MORF4L2: variants seen among roughly 807,000 people sequenced by gnomAD.
MORF4L2 encodes mortality factor 4 like 2, also known as mortality factor 4-like protein 2.
In MORF4L2, 1 loss-of-function variant was observed where a neutral mutation model predicts 12.0. The observed-to-expected ratio is 0.08, with a 90% CI of 0.03 to 0.40. The LOEUF is 0.40. Among genes scored for constraint, MORF4L2 ranks in the 10% least tolerant of loss-of-function variants. MORF4L2 has a pLI of 0.98. For synonymous variants in MORF4L2, 69 were observed against 81.6 expected, an observed-to-expected ratio of 0.85 and a Z score of 0.83; for missense variants, 123 against 214.0, an observed-to-expected ratio of 0.57 and a Z score of 2.65.
intron 2 of MORF4L2, among the ~76,000 whole-genome samples, chrX:103,678,998 G>A (rs2073912846): frequency 9.0e-6 from 1 of 111,727 alleles, no homozygotes; most frequent in Admixed American, 9.6e-5. Flanking sequence ...GATGTTCAAT[G>A]TAGTGGTGTT....
At chrX:103,683,641 G>C (rs992924080) in intron 2 of MORF4L2, among the ~76,000 whole-genome samples, 1 of 111,990 alleles carries the variant, frequency 8.9e-6, no homozygotes, top group Admixed American at 9.4e-5. Context: ...AACTCACACT[G>C]ACTTTCTGAT....
At chrX:103,687,747 C>G (rs1238303676), upstream of MORF4L2, among the ~76,000 whole-genome samples, 1 of 110,981 alleles carries the variant, frequency 9.0e-6, no homozygotes, top group Non-Finnish European at 1.9e-5. Flanking sequence ...TATCGTAAAC[C>G]ACAGCCCTCC....
At chrX:103,677,086 C>G (rs2073864751) in intron 3 of MORF4L2, 35 bp from the exon 4 acceptor site, 1 of 990,109 alleles carries the variant, frequency 1.0e-6, no homozygotes, top group Non-Finnish European at 1.3e-6. Context: ...TGGTTGTTTT[C>G]TATGGCAACC....
intron 1 of MORF4L2, among the ~76,000 whole-genome samples, chrX:103,685,920 C>T (rs896169685): frequency 9.0e-6 from 1 of 111,471 alleles, no homozygotes; most frequent in African/African-American, 3.3e-5. Context: ...AAAACATAAT[C>T]ACAATACTAC....
chrX:103,680,372 C>T (rs1478837750), intron 2 of MORF4L2, among the ~76,000 whole-genome samples: 3 of 112,387 alleles, frequency 2.7e-5, no homozygotes, highest in Non-Finnish European at 5.6e-5. Flanking sequence ...CTTCAGAAAG[C>T]ATCAAAATTT....
At chrX:103,687,044 G>A (rs963705742), upstream of MORF4L2, among the ~76,000 whole-genome samples, 20 of 108,125 alleles carry the variant, frequency 1.8e-4, no homozygotes, top group Non-Finnish European at 3.1e-4. Context: ...GAATGTTCAC[G>A]TGGCCTATTT....
At chrX:103,679,061 T>A (rs1262245428) in intron 2 of MORF4L2, among the ~76,000 whole-genome samples, 1 of 112,082 alleles carries the variant, frequency 8.9e-6, no homozygotes, top group African/African-American at 3.3e-5. Context: ...AGGAAAATGA[T>A]AACATAAATT....
At position 103,676,739 on chromosome X, in the gene MORF4L2, G is replaced by A; in HGVS notation, c.289C>T (p.Pro97Ser). Residue 97 changes from proline (P) to serine (S), a missense_variant, in exon 4 of 4, where the codon CCC becomes TCC. By Grantham distance (74) the Pro-to-Ser change is moderately conservative. Coordinates refer to ENST00000441076, the MANE Select transcript of MORF4L2 (RefSeq NM_012286.3). Reference sequence around the variant, plus strand: ...GCCCGGGCCCTTTTCTTCCGAGGGGGCTGAGGTGCTTCGCTGGTACTGCCA... The same window carrying A: ...GCCCGGGCCCTTTTCTTCCGAGGGGACTGAGGTGCTTCGCTGGTACTGCCA... ...DGGSTSEAPQ[P>S]PRKKRARADP... 1 of 1,207,355 alleles carries A rather than the reference G, an allele frequency of 8.3e-7. No homozygotes were observed. The highest frequency in any genetic ancestry group is 1.1e-6 in the Non-Finnish European group (1 of 894,503).
rs780801894 is a variant in MORF4L2 at position 103,680,023 on chromosome X, TA to T, written c.-177-1373del. Reference sequence around the variant, plus strand: ...CAACATGGTGAAACCCTGTCCCTACTAAAAACACAAAAATTAGCCAGGCTTA... The same window carrying T: ...CAACATGGTGAAACCCTGTCCCTACTAAAACACAAAAATTAGCCAGGCTTA... On this transcript the variant is annotated intron_variant, in intron 2 of 3. Transcript: ENST00000441076. 1.1e-3 allele frequency among the ~76,000 whole-genome samples: 117 copies of T among 110,964 alleles called. 2 individuals are homozygous for T. Among genetic ancestry groups the T allele is most frequent in the South Asian group, 4.2e-3 (11 of 2,640 alleles).
At chrX:103,678,005 A>G (rs1224512817) in intron 3 of MORF4L2, among the ~76,000 whole-genome samples, 2 of 111,032 alleles carry the variant, frequency 1.8e-5, no homozygotes, top group Non-Finnish European at 1.9e-5. Flanking sequence ...GGATTGGAGG[A>G]AAAGTTGTGT....
Position 103,677,036 on chromosome X carries a change from G to T in MORF4L2, c.-9C>A. The T allele has an allele frequency of 8.6e-7, 1 of 1,163,630 alleles. No homozygotes were observed. ...TGCTTTCTGGAACTCATTCAACCCT[G>T]TTTTTATTCCAACCACTGTAATATA... On this transcript the variant is annotated 5_prime_UTR_variant, in exon 4 of 4. Transcript: ENST00000441076.
At position 103,676,164 on chromosome X, in the gene MORF4L2, C is replaced by A. The variant is rs1438546725; in HGVS notation, c.864G>T (p.Leu288=). 2 of 1,193,238 alleles carry A rather than the reference C, an allele frequency of 1.7e-6. No homozygotes were observed. The highest frequency in any genetic ancestry group is 2.3e-6 in the Non-Finnish European group (2 of 887,637). The stretch of plus-strand genomic sequence containing the variant: ...ATGGTGAGCTGTCTGTAGACGCTCA[C>A]AGGGCTTTGCGGTGGTACTCAGCAG... ...VASAEYHRKA[L] The change falls in exon 4 of 4, where the codon CTG becomes CTT. Residue 288 remains leucine, a synonymous_variant. Coordinates refer to ENST00000441076, the MANE Select transcript of MORF4L2 (RefSeq NM_012286.3).
chrX:103,687,930 C>T (rs1300837977), upstream of MORF4L2: 2 of 111,513 alleles, frequency 1.8e-5, no homozygotes, highest in Non-Finnish European at 1.9e-5. Flanking sequence ...TATCTATCTA[C>T]GACAGCCTTC....
intron 1 of MORF4L2, among the ~76,000 whole-genome samples, 188 bp downstream of exon 1, chrX:103,686,440 CTAT>C (rs2074111239): frequency 1.8e-5 from 2 of 111,542 alleles, no homozygotes; most frequent in Admixed American, 9.5e-5. Context: ...GAGGTAGATA[CTAT>C]TATTATCACC....
rs762730812 is a variant in MORF4L2 at position 103,685,546 on chromosome X, T to G, written c.-267-286A>C. 5 of 111,715 alleles carry G rather than the reference T, an allele frequency of 4.5e-5. No homozygotes were observed. In the South Asian group the frequency reaches 1.9e-3, roughly 42 times the overall value. The allele number at this position is 111,715 out of a possible 1,213,427, so 9.2% of individuals were successfully genotyped here. A position where few individuals can be genotyped will look rare whatever the true frequency, so the allele number is the denominator to read the frequency against. On this transcript the variant is annotated intron_variant, in intron 1 of 3. Transcript: ENST00000441076. The stretch of plus-strand genomic sequence containing the variant: ...ATTATAAACCTACACGAATCCATCA[T>G]CCAGCTTTCAACAATTACCAACTGA...
chrX:103,678,226 G>A (rs951933455), intron 3 of MORF4L2, among the ~76,000 whole-genome samples: 8 of 110,741 alleles, frequency 7.2e-5, no homozygotes, highest in Non-Finnish European at 1.5e-4. Flanking sequence ...GAGAAGAGAG[G>A]AAGAACTTCA....
chrX:103,686,124 T>TCCC (rs5903221), intron 1 of MORF4L2, among the ~76,000 whole-genome samples: 4 of 76,847 alleles, frequency 5.2e-5, no homozygotes, highest in Non-Finnish European at 1.0e-4. Context: ...TTTCTTGCAC[T>TCCC]CCCCCCCCCC....
At position 103,676,086 on chromosome X, in the gene MORF4L2, A is replaced by G; in HGVS notation, c.*75T>C. The G allele has an allele frequency of 9.8e-7, 1 of 1,020,800 alleles. No homozygotes were observed. The highest frequency in any genetic ancestry group is 1.3e-6 in the Non-Finnish European group (1 of 757,436). The allele number at this position is 1,020,800 out of a possible 1,213,427, so 84.1% of individuals were successfully genotyped here. ...ACATTAACGATTTTAAAGAACATCAATTTTACAAGAAAAAGACTAAGAACA... is the reference window on the plus strand; with the variant it reads ...ACATTAACGATTTTAAAGAACATCAGTTTTACAAGAAAAAGACTAAGAACA... On this transcript the variant is annotated 3_prime_UTR_variant, in exon 4 of 4. Coordinates refer to ENST00000441076, the MANE Select transcript of MORF4L2 (RefSeq NM_012286.3).
intron 2 of MORF4L2, 144 bp downstream of exon 2, chrX:103,685,027 G>A (rs946428908): frequency 3.6e-5 from 4 of 112,353 alleles, no homozygotes; most frequent in African/African-American, 1.3e-4. Flanking sequence ...ACTATCAATG[G>A]ACTTAGCTCC....
Sources: allele counts gnomAD v4.1 joint callset (sites outside exome capture counted in the v4.1 genomes callset), GRCh38; gene constraint gnomAD v4.1.1; transcripts MANE v1.5; gene names NCBI Gene and HGNC (gene_info 2026-07-23, HGNC 2026-07-21).